The following GRIA1 variants were observed in gnomAD, a reference collection of about 807,000 sequenced individuals.
The protein encoded by GRIA1 is glutamate ionotropic receptor AMPA type subunit 1.
GRIA1 carries 31 observed loss-of-function variants against 99.2 expected under a neutral mutation model. That is an observed-to-expected ratio of 0.31 (90% CI 0.23 to 0.42). The LOEUF is 0.42. Ranked by LOEUF, GRIA1 falls within the 10% of genes least tolerant of loss-of-function variation. The probability of loss-of-function intolerance (pLI) is 1.00; values close to 1 mark genes in which losing one functional copy is unlikely to be tolerated. For synonymous variants in GRIA1, 438 were observed against 432.4 expected (o/e 1.01, Z -0.16); for missense variants, 782 against 1,157.5 (o/e 0.68, Z 4.71).
At chr5:153,682,283 G>A (rs1757026723) in intron 7 of GRIA1, among the ~76,000 whole-genome samples, 1 of 152,168 alleles carries the variant, frequency 6.6e-6, no homozygotes, top group Admixed American at 6.5e-5. Flanking sequence ...GGATACAGGA[G>A]CCCTGCGTCC....
intron 2 of GRIA1, among the ~76,000 whole-genome samples, chr5:153,575,150 T>G (rs947088498): frequency 1.3e-5 from 2 of 151,540 alleles, no homozygotes; most frequent in Non-Finnish European, 2.9e-5. Context: ...GTCTCTTTCT[T>G]AGCTCAGTAG....
At chr5:153,525,516 TAAAATTA>T (rs954976413) in intron 2 of GRIA1, 1 of 151,582 alleles carries the variant, frequency 6.6e-6, no homozygotes, top group African/African-American at 2.4e-5. Context: ...AAAAAGAGTA[TAAAATTA>T]AAAAAAAAAA....
At chr5:153,567,732 G>C (rs185689197) in intron 2 of GRIA1, among the ~76,000 whole-genome samples, 1 of 152,338 alleles carries the variant, frequency 6.6e-6, no homozygotes, top group East Asian at 1.9e-4. Flanking sequence ...ATTCAAGATA[G>C]ATGGTAAATA....
At chr5:153,614,207 TG>T (rs1392626620) in intron 2 of GRIA1, among the ~76,000 whole-genome samples, 1 of 152,230 alleles carries the variant, frequency 6.6e-6, no homozygotes, top group Non-Finnish European at 1.5e-5. Flanking sequence ...TTTGTAATTT[TG>T]TATTTACTTG....
At chr5:153,764,390 A>C in intron 11 of GRIA1, 44 bp from the exon 12 acceptor site, 2 of 1,487,970 alleles carry the variant, frequency 1.3e-6, no homozygotes, top group Non-Finnish European at 1.9e-6. Context: ...AGCTTTCCAC[A>C]GTTGATGTCC....
rs543282610 is a variant in GRIA1 at position 153,773,463 on chromosome 5, C to T, written c.2270+3048C>T. ...ACCAGACCTTTGAAGTCCAGAGCAA[C>T]CACTCACCACTCTGAAGGCAAAAGG... On this transcript the variant is annotated intron_variant, in intron 13 of 15. Coordinates refer to ENST00000285900, the MANE Select transcript of GRIA1 (RefSeq NM_000827.4). Among the ~76,000 whole-genome samples, 4 of 152,304 alleles carry T rather than the reference C, an allele frequency of 2.6e-5. No individual in the cohort carries two copies. In the South Asian group the frequency reaches 8.3e-4, roughly 32 times the overall value.
chr5:153,792,924 A>G (rs1765393065), intron 13 of GRIA1, among the ~76,000 whole-genome samples: 2 of 152,206 alleles, frequency 1.3e-5, no homozygotes, highest in African/African-American at 4.8e-5. Context: ...ATGTGGGGTA[A>G]GCAAAATCAT....
intron 5 of GRIA1, among the ~76,000 whole-genome samples, chr5:153,658,116 G>A (rs961428634): frequency 1.3e-5 from 2 of 152,104 alleles, no homozygotes; most frequent in Non-Finnish European, 2.9e-5. Flanking sequence ...TGTCACCAAG[G>A]GTAGCAGGCA....
At chr5:153,704,980 A>C (rs987525689) in intron 10 of GRIA1, among the ~76,000 whole-genome samples, 1 of 152,220 alleles carries the variant, frequency 6.6e-6, no homozygotes, top group African/African-American at 2.4e-5. Context: ...ATATCTATTG[A>C]GTTAAATTGA....
chr5:153,640,073 G>A (rs1484216546), intron 2 of GRIA1, among the ~76,000 whole-genome samples: 1 of 152,234 alleles, frequency 6.6e-6, no homozygotes, highest in African/African-American at 2.4e-5. Flanking sequence ...CAGTTGATCA[G>A]TCTGTTTGCC....
chr5:153,805,133 G>T (rs1020453855), intron 15 of GRIA1, among the ~76,000 whole-genome samples: 3 of 90,206 alleles, frequency 3.3e-5, no homozygotes, highest in African/African-American at 5.3e-5. Context: ...TGAAATAATG[G>T]ATTATAAAGA....
chr5:153,563,881 G>T (rs776319168), intron 2 of GRIA1, among the ~76,000 whole-genome samples: 9 of 152,166 alleles, frequency 5.9e-5, no homozygotes, highest in Non-Finnish European at 1.2e-4. Context: ...TCTACTATGA[G>T]TAGTATTGTT....
chr5:153,644,368 G>C (rs1425742755), intron 2 of GRIA1, among the ~76,000 whole-genome samples: 1 of 152,164 alleles, frequency 6.6e-6, no homozygotes, highest in Non-Finnish European at 1.5e-5. Flanking sequence ...TTAGAAGACA[G>C]CAACCCAGGC....
intron 7 of GRIA1, among the ~76,000 whole-genome samples, chr5:153,683,910 G>A (rs79489558): frequency 9.2e-5 from 14 of 152,332 alleles, no homozygotes; most frequent in Non-Finnish European, 1.8e-4. Context: ...AATGAGCAGA[G>A]CACAACCTGG....
chr5:153,662,514 A>C (rs1251871512), intron 5 of GRIA1, among the ~76,000 whole-genome samples: 2 of 152,166 alleles, frequency 1.3e-5, no homozygotes, highest in Admixed American at 6.5e-5. Context: ...GTGTCTGGGA[A>C]GGCTCGTGAG....
At chr5:153,746,801 T>G (rs931850254) in intron 11 of GRIA1, among the ~76,000 whole-genome samples, 2 of 152,196 alleles carry the variant, frequency 1.3e-5, no homozygotes, top group Non-Finnish European at 2.9e-5. Context: ...GAAGTCCCAT[T>G]TATAACAAGA....
At chr5:153,726,988 T>C (rs1020539710) in intron 11 of GRIA1, among the ~76,000 whole-genome samples, 1 of 152,166 alleles carries the variant, frequency 6.6e-6, no homozygotes, top group African/African-American at 2.4e-5. Flanking sequence ...AAATCCTCAA[T>C]AAAATATTGG....
intron 5 of GRIA1, among the ~76,000 whole-genome samples, chr5:153,656,811 A>G (rs933704152): frequency 1.3e-5 from 2 of 152,144 alleles, no homozygotes; most frequent in Non-Finnish European, 2.9e-5. Context: ...AAAATTCTTC[A>G]TCACTGCTAG....
intron 2 of GRIA1, among the ~76,000 whole-genome samples, chr5:153,566,873 C>T (rs941165108): frequency 6.6e-6 from 1 of 151,642 alleles, no homozygotes; most frequent in Non-Finnish European, 1.5e-5. Flanking sequence ...TGCACCACCA[C>T]GCCCAGCTAA....
Sources: allele counts gnomAD v4.1 joint callset (sites outside exome capture counted in the v4.1 genomes callset), GRCh38; gene constraint gnomAD v4.1.1; transcripts MANE v1.5; gene names NCBI Gene and HGNC (gene_info 2026-07-23, HGNC 2026-07-21).